The following KIF12 variants were observed in gnomAD, a reference collection of about 807,000 sequenced individuals.
KIF12 encodes kinesin family member 12.
KIF12 carries 80 observed loss-of-function variants against 87.9 expected under a neutral mutation model. The ratio of observed to expected loss-of-function variants is 0.91; its 90% CI spans 0.76 to 1.10. KIF12 has a LOEUF of 1.10. KIF12 is among the 50% of genes least tolerant of loss of function. The pLI, the probability that KIF12 is intolerant of heterozygous loss-of-function variation, is 0.00. For missense variants in KIF12, 819 were observed against 865.3 expected (o/e 0.95, Z 0.67); for synonymous variants, 353 against 348.5 (o/e 1.01, Z -0.14).
Position 114,094,221 on chromosome 9 carries a change from C to A in KIF12, c.1273G>T (p.Gly425Trp), listed in dbSNP as rs776742820. The A allele has an allele frequency of 5.6e-6, 9 of 1,613,980 alleles. No individual in the cohort carries two copies. The East Asian group carries it at 1.8e-4, about 32-fold the overall frequency. The part of the protein sequence containing the change: ...RVAWAQRNLY[G>W]MLQEFMLENE... ...TCTAGCATGAACTCCTGTAGCATCC[C>A]GTACAGGTTCCGCTGGGCCCAGGCC... The change falls in exon 13 of 19, where the codon GGG becomes TGG. Residue 425 changes from glycine to tryptophan, a missense_variant. Coordinates refer to ENST00000640217, the MANE Select transcript of KIF12 (RefSeq NM_001388308.1).
Position 114,096,405 on chromosome 9 carries a change from A to C in KIF12, c.720T>G (p.Leu240=), listed in dbSNP as rs759008470. The change falls in exon 8 of 19, where the codon CTT becomes CTG. Residue 240 remains leucine (L), a synonymous_variant. Transcript: ENST00000640217. ...ASSRSHALLT[L]YISRQTAQQM... ...CACTCACAGTTTGACGGCTGATGTAAAGGGTGAGCAGGGCATGGCTTCGGC... is the reference window on the plus strand; with the variant it reads ...CACTCACAGTTTGACGGCTGATGTACAGGGTGAGCAGGGCATGGCTTCGGC... 1 of 1,613,162 alleles carries C rather than the reference A, an allele frequency of 6.2e-7. No individual in the cohort carries two copies. The highest frequency in any genetic ancestry group is 1.1e-5 in the South Asian group (1 of 90,666).
Position 114,096,327 on chromosome 9 carries a change from C to T in KIF12, c.738+60G>A, listed in dbSNP as rs1588505458. The T allele has an allele frequency of 3.8e-6, 6 of 1,594,910 alleles. No individual in the cohort carries two copies. The East Asian group carries it at 1.1e-4, about 30-fold the overall frequency. The stretch of plus-strand genomic sequence containing the variant: ...GCACACCCAAGTTGGTTTATATGTC[C>T]AGATACAGACCCTTGCTTGGTGGCC... On this transcript the variant is annotated intron_variant, in intron 8 of 18. Coordinates refer to ENST00000640217, the MANE Select transcript of KIF12 (RefSeq NM_001388308.1).
At chr9:114,097,231 A>C in intron 7 of KIF12, 70 bp downstream of exon 7, 1 of 1,555,636 alleles carries the variant, frequency 6.4e-7, no homozygotes, top group African/African-American at 1.4e-5. Flanking sequence ...CTGGGCCCCA[A>C]GTCCACACTC....
At chr9:114,095,460 T>C (rs914328789) in intron 9 of KIF12, 128 bp from the exon 10 acceptor site, 3 of 998,654 alleles carry the variant, frequency 3.0e-6, no homozygotes, top group Admixed American at 2.4e-5. Context: ...CCACATGATC[T>C]CATGACTCAG....
Position 114,092,467 on chromosome 9 carries a change from T to G in KIF12, c.1698-16A>C, listed in dbSNP as rs1333978729. ...ACTGTGACTCCTGGGCCAGGGTGAGTTGGGAGATGGGAGGTGAGCCTTTGA... is the reference window on the plus strand; with the variant it reads ...ACTGTGACTCCTGGGCCAGGGTGAGGTGGGAGATGGGAGGTGAGCCTTTGA... On this transcript the variant is annotated splice_polypyrimidine_tract_variant and intron_variant, in intron 17 of 18. Coordinates refer to ENST00000640217, the MANE Select transcript of KIF12 (RefSeq NM_001388308.1). 4 of 1,612,824 alleles carry G rather than the reference T, an allele frequency of 2.5e-6. No individual in the cohort carries two copies. Among genetic ancestry groups the G allele is most frequent in the Non-Finnish European group, 3.4e-6 (4 of 1,179,670 alleles).
rs750685891 is a variant in KIF12 at position 114,095,063 on chromosome 9, C to A, written c.1079G>T (p.Ser360Ile). The A allele has an allele frequency of 2.5e-6, 4 of 1,609,762 alleles. No homozygotes were observed. Among genetic ancestry groups the A allele is most frequent in the Non-Finnish European group, 3.4e-6 (4 of 1,177,882 alleles). The part of the protein sequence containing the change: ...PETLSTLRYA[S>I]RAQRVTTRPQ... ...TCGGGTGGTGACCCGCTGAGCTCGG[C>A]TTGCATATCGCAGGGTGCTGAGAGT... The change falls in exon 11 of 19, where the codon AGC becomes ATC. Residue 360 changes from serine to isoleucine, a missense_variant. Coordinates refer to ENST00000640217, the MANE Select transcript of KIF12 (RefSeq NM_001388308.1).
chr9:114,093,440 A>G lies in KIF12; in HGVS notation c.1458T>C (p.Cys486=). The G allele has an allele frequency of 6.4e-7, 1 of 1,570,640 alleles. No individual in the cohort carries two copies. Among genetic ancestry groups the G allele is most frequent in the South Asian group, 1.2e-5 (1 of 85,090 alleles). ...HQQGPGLTPP[C]PCLMAPAPPC... is the part of the protein sequence containing the mutation. The stretch of plus-strand genomic sequence containing the variant: ...GGGGAGCTGGGGCCATCAAGCAGGG[A>G]CACGGTGGGGTCAGGCCAGGACCCT... The change falls in exon 15 of 19, where the codon TGT becomes TGC. Residue 486 remains cysteine, a synonymous_variant. Coordinates refer to ENST00000640217, the MANE Select transcript of KIF12 (RefSeq NM_001388308.1).
Position 114,092,202 on chromosome 9 carries a change from G to A in KIF12, c.1816+131C>T, listed in dbSNP as rs1225677199. On this transcript the variant is annotated intron_variant, in intron 18 of 18. Transcript: ENST00000640217. ...AAAAAGAGAATTCCAAGTTTGGGAA[G>A]TAGAAAGATCTTAGAAGCCACCTCT... 3.0e-5 allele frequency: 45 copies of A among 1,490,038 alleles called. No homozygotes were observed. In the East Asian group the frequency reaches 4.5e-4, roughly 15 times the overall value. The allele number at this position is 1,490,038 out of a possible 1,614,324, so 92.3% of individuals were successfully genotyped here. A position where few individuals can be genotyped will look rare whatever the true frequency, so the allele number is the denominator to read the frequency against.
Position 114,094,234 on chromosome 9 carries a change from C to T in KIF12, c.1260G>A (p.Gln420=). 1 of 1,614,064 alleles carries T rather than the reference C, an allele frequency of 6.2e-7. No individual in the cohort carries two copies. The highest frequency in any genetic ancestry group is 2.2e-5 in the East Asian group (1 of 44,882). Residue 420 remains glutamine (Q), a synonymous_variant, in exon 13 of 19, where the codon CAG becomes CAA. Coordinates refer to ENST00000640217, the MANE Select transcript of KIF12 (RefSeq NM_001388308.1). ...CCTGTAGCATCCCGTACAGGTTCCG[C>T]TGGGCCCAGGCCACCCGGGCTCCAC... The part of the protein sequence containing the change: ...GLSGARVAWA[Q]RNLYGMLQEF...
At chr9:114,097,076 G>C (rs1334601073) in intron 7 of KIF12, among the ~76,000 whole-genome samples, 1 of 152,226 alleles carries the variant, frequency 6.6e-6, no homozygotes, top group African/African-American at 2.4e-5. Context: ...GGCTAGAGAG[G>C]AGAGGGTGTG....
In KIF12 at chr9:114,098,334, G is replaced by A. The variant is rs1847326426; in HGVS notation, c.267C>T (p.Gly89=). 1.4e-6 allele frequency: 2 copies of A among 1,474,972 alleles called. No homozygotes were observed. Among genetic ancestry groups the A allele is most frequent in the Non-Finnish European group, 1.8e-6 (2 of 1,118,330 alleles). The allele number at this position is 1,474,972 out of a possible 1,614,324, so 91.4% of individuals were successfully genotyped here. Residue 89 remains glycine, a synonymous_variant, in exon 4 of 19, where the codon GGC becomes GGT. Coordinates refer to ENST00000640217, the MANE Select transcript of KIF12 (RefSeq NM_001388308.1). ...GCGCCAGCTCCCCCAGGCGCCGCAC[G>A]CCGCACGCCCGGAACACGTCCTCCT... is the stretch of plus-strand genomic sequence containing the variant. ...RTQEDVFRAC[G]VRRLGELALR... is the part of the protein sequence containing the mutation.
intron 5 of KIF12, 176 bp downstream of exon 5, chr9:114,097,939 G>A: frequency 1.1e-6 from 1 of 926,660 alleles, no homozygotes; most frequent in Admixed American, 2.9e-5. Flanking sequence ...AAGCCCAAAT[G>A]CTCCAAATTG....
Position 114,096,494 on chromosome 9 carries a change from A to G in KIF12, c.647-16T>C, listed in dbSNP as rs1415402159. 6.3e-7 allele frequency: 1 copy of G among 1,593,038 alleles called. No individual in the cohort carries two copies. Among genetic ancestry groups the G allele is most frequent in the Non-Finnish European group, 8.6e-7 (1 of 1,166,446 alleles). On this transcript the variant is annotated splice_polypyrimidine_tract_variant and intron_variant, in intron 7 of 18. Coordinates refer to ENST00000640217, the MANE Select transcript of KIF12 (RefSeq NM_001388308.1). ...CGGCTGAGACCTGGAAGGGAAAAAC[A>G]TCAGGAGCTGGACCTGGTAGGAAGA... is the stretch of plus-strand genomic sequence containing the variant.
In KIF12 at chr9:114,091,674, C is replaced by A. The variant is rs1847003715; in HGVS notation, c.*187G>T. The A allele has an allele frequency of 9.2e-6, 5 of 544,660 alleles. No individual in the cohort carries two copies. Among genetic ancestry groups the A allele is most frequent in the Non-Finnish European group, 1.6e-5 (5 of 314,538 alleles). The allele number at this position is 544,660 out of a possible 1,614,324, so 33.7% of individuals were successfully genotyped here. A position where few individuals can be genotyped will look rare whatever the true frequency, so the allele number is the denominator to read the frequency against. ...GCCTCTCTTTATTCATGTATTTCAT[C>A]CCCTGCTGCCTGGTTTCTCCTGAAT... On this transcript the variant is annotated 3_prime_UTR_variant, in exon 19 of 19. Coordinates refer to ENST00000640217, the MANE Select transcript of KIF12 (RefSeq NM_001388308.1).
chr9:114,098,122 G>T lies in KIF12; in HGVS notation c.368C>A (p.Pro123His). 6.5e-7 allele frequency: 1 copy of T among 1,547,662 alleles called. No homozygotes were observed. The highest frequency in any genetic ancestry group is 1.2e-5 in the South Asian group (1 of 83,958). The change falls in exon 5 of 19, where the codon CCT becomes CAT. Residue 123 changes from proline (P) to histidine (H), a missense_variant. Transcript: ENST00000640217. Reference protein sequence around the residue: ...SGKTYTLTGPPPQGEGVPVPP... With the variant: ...SGKTYTLTGPHPQGEGVPVPP... ...CCGCCGGCGCTCGCTCACCTGGGGA[G>T]GGGGTCCAGTCAGGGTGTAGGTCTT... is the stretch of plus-strand genomic sequence containing the variant.
At position 114,098,368 on chromosome 9, in the gene KIF12, G is replaced by A; in HGVS notation, c.233C>T (p.Ala78Val). ...CCGGAACACGTCCTCCTGCGTGCGC[G>A]CCGCGTCTAGCACCGCACCGAAGCG... is the stretch of plus-strand genomic sequence containing the variant. ...AFRFGAVLDAARTQEDVFRAC... is the reference protein window; with the variant it reads ...AFRFGAVLDAVRTQEDVFRAC... Residue 78 changes from alanine (A) to valine (V), a missense_variant, in exon 4 of 19, where the codon GCG (alanine) becomes GTG (valine). Coordinates refer to ENST00000640217, the MANE Select transcript of KIF12 (RefSeq NM_001388308.1). The A allele has an allele frequency of 1.3e-6, 2 of 1,497,998 alleles. No homozygotes were observed. Among genetic ancestry groups the A allele is most frequent in the Admixed American group, 4.5e-5 (2 of 43,972 alleles). 92.8% of individuals were successfully genotyped at this position (1,497,998 alleles called of 1,614,324 possible). A position where few individuals can be genotyped will look rare whatever the true frequency, so the allele number is the denominator to read the frequency against.
chr9:114,094,496 A>G lies in KIF12; in HGVS notation c.1120-41T>C, dbSNP rs751808338. Reference sequence around the variant, plus strand: ...CCCAGAGCCACCTTTATGGTTGTATAAGTCGTGCACTGCACAAGAACTTCC... The same window carrying G: ...CCCAGAGCCACCTTTATGGTTGTATGAGTCGTGCACTGCACAAGAACTTCC... On this transcript the variant is annotated intron_variant, in intron 11 of 18. Transcript: ENST00000640217. 15 of 1,296,640 alleles carry G rather than the reference A, an allele frequency of 1.2e-5. No individual in the cohort carries two copies. In the South Asian group the frequency reaches 1.2e-4, roughly 11 times the overall value. 80.3% of individuals were successfully genotyped at this position (1,296,640 alleles called of 1,614,324 possible).
chr9:114,099,215 TC>T, intron 1 of KIF12, 35 bp downstream of exon 1: 2 of 1,550,892 alleles, frequency 1.3e-6, no homozygotes, highest in South Asian at 2.4e-5. Flanking sequence ...TAGCGGCTGT[TC>T]AGGACTCCTC....
At chr9:114,094,293 T>C in intron 12 of KIF12, 22 bp from the exon 13 acceptor site, 1 of 1,612,950 alleles carries the variant, frequency 6.2e-7, no homozygotes, top group East Asian at 2.2e-5. Flanking sequence ...CAGGAGGTGG[T>C]GGATCCACAG....
Sources: allele counts gnomAD v4.1 joint callset (sites outside exome capture counted in the v4.1 genomes callset), GRCh38; gene constraint gnomAD v4.1.1; transcripts MANE v1.5; gene names NCBI Gene and HGNC (gene_info 2026-07-23, HGNC 2026-07-21).